Variants in VDAC2 observed in about 807,000 individuals in gnomAD.
The protein encoded by VDAC2 is non-selective voltage-gated ion channel VDAC2.
VDAC2 carries 6 observed loss-of-function variants against 36.6 expected under a neutral mutation model. The observed-to-expected ratio is 0.16, with a 90% CI of 0.09 to 0.32. VDAC2 has a LOEUF of 0.32. VDAC2 is among the 10% of genes least tolerant of loss of function. The pLI is 1.00. For synonymous variants in VDAC2, 109 were observed against 123.8 expected, an observed-to-expected ratio of 0.88 and a Z score of 0.79; for missense variants, 247 against 346.0, an observed-to-expected ratio of 0.71 and a Z score of 2.27.
At chr10:75,221,025 A>G (rs1841798765) in intron 7 of VDAC2, 55 bp downstream of exon 7, 1 of 1,520,878 alleles carries the variant, frequency 6.6e-7, no homozygotes, top group East Asian at 2.3e-5. Context: ...GATGATTTTG[A>G]TGTCTGTCAT....
intron 8 of VDAC2, among the ~76,000 whole-genome samples, chr10:75,223,484 G>A (rs1449621385): frequency 6.6e-6 from 1 of 152,138 alleles, no homozygotes; most frequent in Non-Finnish European, 1.5e-5. Flanking sequence ...ATGACTCCTG[G>A]GAATTAGTTT....
intron 4 of VDAC2, among the ~76,000 whole-genome samples, chr10:75,216,478 C>G (rs1406262671): frequency 6.6e-6 from 1 of 152,210 alleles, no homozygotes; most frequent in Non-Finnish European, 1.5e-5. Context: ...ATACATGTAA[C>G]TCAACAACCA....
intron 8 of VDAC2, among the ~76,000 whole-genome samples, chr10:75,224,432 G>T (rs557849699): frequency 6.6e-6 from 1 of 152,174 alleles, no homozygotes; most frequent in East Asian, 1.9e-4. Context: ...CATGGTTTAG[G>T]AAGAAAAAGG....
chr10:75,220,399 A>G (rs987205933), intron 6 of VDAC2, among the ~76,000 whole-genome samples: 2 of 152,162 alleles, frequency 1.3e-5, no homozygotes, highest in African/African-American at 4.8e-5. Flanking sequence ...GGGAGCCACC[A>G]TGCCTGGCCC....
In VDAC2 at chr10:75,212,214, GTTT is replaced by G; in HGVS notation, c.32-10_32-8del. On this transcript the variant is annotated splice_polypyrimidine_tract_variant and intron_variant, in intron 2 of 9. Transcript: ENST00000332211. ...AGAATAGAGACATTAACACTGGAAT[GTTT>G]TTTTTCTACCAGCAATGTGTATTCC... The G allele has an allele frequency of 6.2e-7, 1 of 1,609,488 alleles. No homozygotes were observed. The highest frequency in any genetic ancestry group is 1.1e-5 in the South Asian group (1 of 90,758).
At chr10:75,223,179 TG>T (rs1841865892) in intron 8 of VDAC2, among the ~76,000 whole-genome samples, 1 of 151,836 alleles carries the variant, frequency 6.6e-6, no homozygotes, top group East Asian at 1.9e-4. Context: ...AGATGGGATT[TG>T]TTGGCCAGAC....
chr10:75,214,095 C>T (rs1053069461), intron 4 of VDAC2, 25 bp downstream of exon 4: 3 of 1,607,058 alleles, frequency 1.9e-6, no homozygotes, highest in African/African-American at 1.3e-5. Flanking sequence ...TGAATAAGTT[C>T]TATTGAACCT....
At chr10:75,230,733 C>T (rs547445291) in intron 9 of VDAC2, among the ~76,000 whole-genome samples, 165 bp from the exon 10 acceptor site, 1 of 152,330 alleles carries the variant, frequency 6.6e-6, no homozygotes. Context: ...CTTCTGGTGT[C>T]TCAGATACTT....
Position 75,214,907 on chromosome 10 carries a change from A to G in VDAC2, c.150+837A>G, listed in dbSNP as rs540435184. Among the ~76,000 whole-genome samples, 11 of 152,234 alleles carry G rather than the reference A, an allele frequency of 7.2e-5. No homozygotes were observed. The South Asian group carries it at 2.3e-3, about 32-fold the overall frequency. On this transcript the variant is annotated intron_variant, in intron 4 of 9. Coordinates refer to ENST00000332211, the MANE Select transcript of VDAC2 (RefSeq NM_001391963.1). Reference sequence around the variant, plus strand: ...AACTGTTTACAAAGGGGATAAACTAATATTTAACTTTTTTCGAGACAGGGT... The same window carrying G: ...AACTGTTTACAAAGGGGATAAACTAGTATTTAACTTTTTTCGAGACAGGGT...
intron 3 of VDAC2, 22 bp downstream of exon 3, chr10:75,212,320 C>T (rs1564708522): frequency 6.3e-7 from 1 of 1,596,094 alleles, no homozygotes; most frequent in South Asian, 1.1e-5. Context: ...ATTTTTAAAA[C>T]GTTTTAGATA....
chr10:75,213,723 AAC>A (rs1364884426), intron 3 of VDAC2, among the ~76,000 whole-genome samples: 1 of 152,116 alleles, frequency 6.6e-6, no homozygotes, highest in Non-Finnish European at 1.5e-5. Context: ...CAGCCTGGGC[AAC>A]AGAGTGAGAC....
rs577184178 is a variant in VDAC2, at chr10:75,229,045, G to A, written c.736-599G>A. On this transcript the variant is annotated intron_variant, in intron 8 of 9. Transcript: ENST00000332211. ...ACCTCACTGGGACCTCCTCCCAAAC[G>A]CAGTGGTTACATACAGCCAGAACTC... Among the ~76,000 whole-genome samples, 19 of 152,312 alleles carry A rather than the reference G, an allele frequency of 1.2e-4. No individual in the cohort carries two copies. The South Asian group carries it at 3.3e-3, about 27-fold the overall frequency.
chr10:75,230,580 T>C lies in VDAC2; in HGVS notation c.794-318T>C, dbSNP rs564352892. The stretch of plus-strand genomic sequence containing the variant: ...TGTCTTTATTGTAGGTTTTCCTTTC[T>C]AGGATCGAATTATGATTATGTCTTT... On this transcript the variant is annotated intron_variant, in intron 9 of 9. Transcript: ENST00000332211. 5.9e-5 allele frequency among the ~76,000 whole-genome samples: 9 copies of C among 152,350 alleles called. 1 individual carries two copies. In the South Asian group the frequency reaches 1.9e-3, roughly 32 times the overall value.
intron 8 of VDAC2, among the ~76,000 whole-genome samples, chr10:75,226,766 G>A (rs1841966125): frequency 6.6e-6 from 1 of 152,150 alleles, no homozygotes; most frequent in Non-Finnish European, 1.5e-5. Context: ...CCTGGGCTAT[G>A]TTGTTATTTT....
intron 8 of VDAC2, among the ~76,000 whole-genome samples, chr10:75,223,889 T>G (rs1183315790): frequency 1.3e-5 from 2 of 152,168 alleles, no homozygotes; most frequent in Admixed American, 1.3e-4. Context: ...GCTAGGTAGC[T>G]GAGGTTACTG....
Position 75,212,258 on chromosome 10 carries a change from C to A in VDAC2, c.60C>A (p.Asp20Glu), listed in dbSNP as rs184652725. The A allele has an allele frequency of 5.6e-6, 9 of 1,613,594 alleles. No individual in the cohort carries two copies. The Admixed American group carries it at 8.3e-5, about 15-fold the overall frequency. The change falls in exon 3 of 10, where the codon GAC becomes GAA. Residue 20 changes from aspartate to glutamate, a missense_variant. Transcript: ENST00000332211. ...RPMCIPPSYADLGKAARDIFN... is the reference protein window; with the variant it reads ...RPMCIPPSYAELGKAARDIFN... ...TGTGTATTCCTCCATCATATGCTGA[C>A]CTTGGCAAAGCTGCCAGAGATATTT...
intron 3 of VDAC2, 41 bp from the exon 4 acceptor site, chr10:75,213,980 A>G (rs1841517995): frequency 6.2e-7 from 1 of 1,606,446 alleles, no homozygotes; most frequent in Non-Finnish European, 8.5e-7. Flanking sequence ...TCTTTCATAC[A>G]AAGGAATCAT....
intron 4 of VDAC2, chr10:75,217,764 T>TGTAA: frequency 2.2e-6 from 1 of 453,914 alleles, no homozygotes; most frequent in Non-Finnish European, 3.7e-6. Context: ...AGGAGAGTGA[T>TGTAA]GTAAGACCTA....
chr10:75,211,047 T>C lies in VDAC2; in HGVS notation c.-25-87T>C, dbSNP rs140978550. The C allele has an allele frequency of 6.9e-3, 8,769 of 1,279,340 alleles. 49 individuals are homozygous for C. The highest frequency in any genetic ancestry group is 0.017 in the Middle Eastern group (89 of 5,130). 79.2% of individuals were successfully genotyped at this position (1,279,340 alleles called of 1,614,324 possible). ...CCCTGGCTTCCTAAGATGGCCGCGC[T>C]GCCCCGCGGCCCCTCGCCCCTCTCT... On this transcript the variant is annotated intron_variant, in intron 1 of 9. Transcript: ENST00000332211.
Sources: gnomAD v4.1 joint callset for allele counts (sites outside exome capture counted in the v4.1 genomes callset) on GRCh38, gnomAD v4.1.1 for gene constraint, MANE v1.5 for transcripts, NCBI Gene and HGNC (gene_info 2026-07-23, HGNC 2026-07-21) for gene names.